Variants in DCHS2 observed in about 807,000 individuals in gnomAD.
The protein encoded by DCHS2 is dachsous cadherin-related 2.
In DCHS2, 142 loss-of-function variants were observed where a neutral mutation model predicts 182.4. The ratio of observed to expected loss-of-function variants is 0.78; its 90% confidence interval spans 0.68 to 0.89. The LOEUF is 0.89. DCHS2 is among the 40% of genes least tolerant of loss of function. The probability of loss-of-function intolerance (pLI) is 0.00; values close to 1 mark genes in which losing one functional copy is unlikely to be tolerated. For missense variants in DCHS2, 4,319 were observed against 4,198.6 expected, an observed-to-expected ratio of 1.03 and a Z score of -0.79; for synonymous variants, 1,740 against 1,663.3, an observed-to-expected ratio of 1.05 and a Z score of -1.12.
intron 14 of DCHS2, among the ~76,000 whole-genome samples, chr4:154,268,108 ATTTTT>A (rs925046555): frequency 6.6e-6 from 1 of 151,830 alleles, no homozygotes; most frequent in African/African-American, 2.4e-5. Flanking sequence ...ACTAGCACAA[ATTTTT>A]TTTTCTTTCT....
intron 16 of DCHS2, among the ~76,000 whole-genome samples, chr4:154,244,563 C>G (rs1376033786): frequency 6.6e-6 from 1 of 152,158 alleles, no homozygotes; most frequent in Non-Finnish European, 1.5e-5. Flanking sequence ...GATACACTTT[C>G]ACTTTGTTTT....
At chr4:154,377,755 A>G (rs1730978860) in intron 1 of DCHS2, among the ~76,000 whole-genome samples, 1 of 152,142 alleles carries the variant, frequency 6.6e-6, no homozygotes. Flanking sequence ...CATTCACTAT[A>G]CGTAACTAAT....
chr4:154,408,412 A>T (rs1732486212), intron 1 of DCHS2, among the ~76,000 whole-genome samples: 1 of 152,222 alleles, frequency 6.6e-6, no homozygotes, highest in Admixed American at 6.5e-5. Flanking sequence ...TCAATCTATA[A>T]TTTGTATATG....
rs763948067 is a variant in DCHS2, at chr4:154,235,720, C to G, written c.8932G>C (p.Val2978Leu). Residue 2978 changes from valine (V) to leucine (L), a missense_variant, in exon 20 of 20, where the codon GTG (valine) becomes CTG (leucine). Coordinates refer to ENST00000357232, the MANE Select transcript of DCHS2 (RefSeq NM_001358235.2). ...GGTGTTCCTTCAGAGGAGAAAGACA[C>G]ATTCACAAAAACAGTGCAAGATGCA... ...KFASCTVFVN[V>L]SFSSEGTPLA... The G allele has an allele frequency of 1.2e-5, 19 of 1,613,938 alleles. No homozygotes were observed. In the South Asian group the frequency reaches 2.1e-4, roughly 18 times the overall value.
At chr4:154,331,845 T>C (rs1736543467) in intron 5 of DCHS2, 1 of 912,146 alleles carries the variant, frequency 1.1e-6, no homozygotes. Context: ...AAGGATTAAA[T>C]AAACTCCCCG....
chr4:154,477,954 T>G (rs551335447), intron 1 of DCHS2, among the ~76,000 whole-genome samples: 4 of 152,238 alleles, frequency 2.6e-5, no homozygotes, highest in Non-Finnish European at 5.9e-5. Flanking sequence ...AGTTGATTTC[T>G]ATTCCTACTT....
intron 3 of DCHS2, among the ~76,000 whole-genome samples, chr4:154,335,391 A>G (rs1017238464): frequency 1.3e-5 from 2 of 152,210 alleles, no homozygotes; most frequent in Non-Finnish European, 2.9e-5. Context: ...AAAAAAGCTG[A>G]CTAAGAGAGA....
intron 13 of DCHS2, among the ~76,000 whole-genome samples, chr4:154,286,619 G>A (rs1051270671): frequency 2.0e-5 from 3 of 151,772 alleles, no homozygotes; most frequent in African/African-American, 7.3e-5. Context: ...GCAGAAGAAA[G>A]AATTAGTGAG....
intron 13 of DCHS2, among the ~76,000 whole-genome samples, chr4:154,278,862 G>A (rs1733992889): frequency 6.6e-6 from 1 of 152,198 alleles, no homozygotes; most frequent in Non-Finnish European, 1.5e-5. Context: ...TATTAAACCT[G>A]CCTTACAGGA....
intron 13 of DCHS2, among the ~76,000 whole-genome samples, chr4:154,295,990 T>C (rs1734909720): frequency 6.6e-6 from 1 of 152,248 alleles, no homozygotes; most frequent in Non-Finnish European, 1.5e-5. Flanking sequence ...CTCCCATATG[T>C]CATCAGTTTT....
rs549518705 is a variant in DCHS2, at chr4:154,240,817, A to G, written c.7079T>C (p.Leu2360Ser). ...SEAVEITEDS[L>S]PGVIVTHVSV... ...CACATGAGTCACAATTACACCAGGCAAAGAATCTGAAATAGTCATGACCAG... is the reference window on the plus strand; with the variant it reads ...CACATGAGTCACAATTACACCAGGCGAAGAATCTGAAATAGTCATGACCAG... Residue 2360 changes from leucine (L) to serine (S), a missense_variant, in exon 18 of 20, where the codon TTG (leucine) becomes TCG (serine). Leu to Ser is a moderately radical substitution (Grantham distance 145). Transcript: ENST00000357232. 180 of 1,613,454 alleles carry G rather than the reference A, an allele frequency of 1.1e-4. No homozygotes were observed. In the Middle Eastern group the frequency reaches 2.8e-3, roughly 25 times the overall value.
At chr4:154,390,801 T>TA (rs1205955981) in intron 1 of DCHS2, among the ~76,000 whole-genome samples, 1 of 151,962 alleles carries the variant, frequency 6.6e-6, no homozygotes, top group Non-Finnish European at 1.5e-5. Context: ...CAAACAATAA[T>TA]AAAATAAAGA....
chr4:154,246,583 A>AC (rs1732082210), intron 16 of DCHS2, among the ~76,000 whole-genome samples: 1 of 152,136 alleles, frequency 6.6e-6, no homozygotes, highest in African/African-American at 2.4e-5. Flanking sequence ...AAAAAAAGGA[A>AC]CCCAGTGGAA....
chr4:154,414,192 T>G (rs572571952), intron 1 of DCHS2, among the ~76,000 whole-genome samples: 3,358 of 138,786 alleles, frequency 0.024, 45 homozygotes, highest in South Asian at 0.047. Flanking sequence ...TATATATATA[T>G]ATATAGAGAG....
chr4:154,296,510 A>C (rs1311666461), intron 13 of DCHS2, among the ~76,000 whole-genome samples: 2 of 152,228 alleles, frequency 1.3e-5, no homozygotes, highest in African/African-American at 4.8e-5. Flanking sequence ...CAACCAAAAG[A>C]CTGATTTGAA....
At chr4:154,412,260 C>T (rs1008091592) in intron 1 of DCHS2, among the ~76,000 whole-genome samples, 2 of 152,162 alleles carry the variant, frequency 1.3e-5, no homozygotes, top group Non-Finnish European at 2.9e-5. Flanking sequence ...AAAGAAGCAT[C>T]TCTCTGAGCG....
Position 154,387,349 on chromosome 4 carries a change from A to G in DCHS2, c.2053-9905T>C, listed in dbSNP as rs866900431. On this transcript the variant is annotated intron_variant, in intron 1 of 19. Coordinates refer to ENST00000357232, the MANE Select transcript of DCHS2 (RefSeq NM_001358235.2). Reference sequence around the variant, plus strand: ...AACAATTAAAATAGTGTGATCTAATAAAAGAATTGGCAGGCAGATCAATAG... The same window carrying G: ...AACAATTAAAATAGTGTGATCTAATGAAAGAATTGGCAGGCAGATCAATAG... Among the ~76,000 whole-genome samples the G allele has an allele frequency of 7.9e-5, 12 of 152,180 alleles. No individual in the cohort carries two copies. In the South Asian group the frequency reaches 1.2e-3, roughly 16 times the overall value.
chr4:154,370,014 A>C (rs1730570918), intron 2 of DCHS2, among the ~76,000 whole-genome samples: 1 of 152,178 alleles, frequency 6.6e-6, no homozygotes, highest in African/African-American at 2.4e-5. Flanking sequence ...GTAGAATATT[A>C]ATAACATCTC....
intron 10 of DCHS2, among the ~76,000 whole-genome samples, chr4:154,312,262 A>C (rs769138972): frequency 5.9e-5 from 9 of 152,236 alleles, no homozygotes; most frequent in South Asian, 4.1e-4. Context: ...AAAGCCAGTA[A>C]GATCGGCTTG....
Sources: gnomAD v4.1 joint callset for allele counts (sites outside exome capture counted in the v4.1 genomes callset) on GRCh38, gnomAD v4.1.1 for gene constraint, MANE v1.5 for transcripts, NCBI Gene and HGNC (gene_info 2026-07-23, HGNC 2026-07-21) for gene names.